Variants in UNC5B observed in about 807,000 individuals in gnomAD.
The protein encoded by UNC5B is netrin receptor UNC5B.
UNC5B carries 56 observed loss-of-function variants against 103.7 expected under a neutral mutation model. That is an observed-to-expected ratio of 0.54 (90% CI 0.44 to 0.67). The LOEUF is 0.67. Ranked by LOEUF, UNC5B falls within the 30% of genes least tolerant of loss-of-function variation. The probability of loss-of-function intolerance (pLI) is 0.00; values close to 1 mark genes in which losing one functional copy is unlikely to be tolerated. For synonymous variants in UNC5B, 577 were observed against 542.0 expected (o/e 1.06, Z -0.90); for missense variants, 1,194 against 1,284.5 (o/e 0.93, Z 1.08).
rs1845177673 is a variant in UNC5B, at chr10:71,289,091, G to A, written c.1099+101G>A. 14 of 1,523,280 alleles carry A rather than the reference G, an allele frequency of 9.2e-6. No individual in the cohort carries two copies. In the South Asian group the frequency reaches 1.6e-4, roughly 18 times the overall value. 94.4% of individuals were successfully genotyped at this position (1,523,280 alleles called of 1,614,324 possible). ...AGGGTGCAGGGCAGGGAGAGCTGAA[G>A]GTGCCTACCCACCCCCCACGGGATC... On this transcript the variant is annotated intron_variant, in intron 8 of 16. Transcript: ENST00000335350.
chr10:71,246,233 G>A (rs1191622010), intron 1 of UNC5B, among the ~76,000 whole-genome samples: 1 of 152,356 alleles, frequency 6.6e-6, no homozygotes, highest in East Asian at 1.9e-4. Flanking sequence ...CGTGGCTTGG[G>A]GGGCTGCATA....
At chr10:71,284,000 A>G (rs1409038875) in intron 2 of UNC5B, among the ~76,000 whole-genome samples, 3 of 152,204 alleles carry the variant, frequency 2.0e-5, no homozygotes, top group Non-Finnish European at 2.9e-5. Flanking sequence ...CTCCTGCAGG[A>G]GACAGACATT....
At chr10:71,283,694 C>G (rs1844989563) in intron 2 of UNC5B, among the ~76,000 whole-genome samples, 1 of 152,206 alleles carries the variant, frequency 6.6e-6, no homozygotes, top group East Asian at 1.9e-4. Context: ...CCTTTCCTGG[C>G]AGGTTCCCCC....
intron 15 of UNC5B, 59 bp from the exon 16 acceptor site, chr10:71,297,850 G>C: frequency 6.5e-7 from 1 of 1,535,400 alleles, no homozygotes; most frequent in Admixed American, 1.9e-5. Flanking sequence ...AGGGGAGGGA[G>C]GCTGGAGGGC....
chr10:71,246,978 C>T (rs373154189), intron 1 of UNC5B, among the ~76,000 whole-genome samples: 6 of 152,166 alleles, frequency 3.9e-5, no homozygotes, highest in South Asian at 2.1e-4. Context: ...ACCCTGAAGC[C>T]GTCCAGGACC....
intron 1 of UNC5B, among the ~76,000 whole-genome samples, chr10:71,266,146 G>T (rs1031252224): frequency 6.6e-6 from 1 of 152,050 alleles, no homozygotes; most frequent in Non-Finnish European, 1.5e-5. Flanking sequence ...GACAAACTTA[G>T]TGCCTGACAT....
At chr10:71,222,037 G>A (rs1262341685) in intron 1 of UNC5B, among the ~76,000 whole-genome samples, 1 of 152,168 alleles carries the variant, frequency 6.6e-6, no homozygotes, top group Non-Finnish European at 1.5e-5. Flanking sequence ...ACCATGTATT[G>A]CGTGGAACGA....
At chr10:71,256,285 C>T (rs1564719131) in intron 1 of UNC5B, among the ~76,000 whole-genome samples, 1 of 152,184 alleles carries the variant, frequency 6.6e-6, no homozygotes, top group Non-Finnish European at 1.5e-5. Context: ...CCAGCCCTGG[C>T]CCCAGCTCCT....
In UNC5B at chr10:71,226,849, A is replaced by G. The variant is rs78017260; in HGVS notation, c.79+13785A>G. On this transcript the variant is annotated intron_variant, in intron 1 of 16. Transcript: ENST00000335350. ...CAAAGCTTGGATAAAATACTACACTAAAAGAAATAGGAATTAAGGGATACT... is the reference window on the plus strand; with the variant it reads ...CAAAGCTTGGATAAAATACTACACTGAAAGAAATAGGAATTAAGGGATACT... 3.7e-3 allele frequency among the ~76,000 whole-genome samples: 561 copies of G among 152,362 alleles called. 3 individuals carry two copies. The highest frequency in any genetic ancestry group is 0.01 in the Middle Eastern group (3 of 294).
intron 1 of UNC5B, among the ~76,000 whole-genome samples, chr10:71,243,363 A>G (rs1843951634): frequency 6.6e-6 from 1 of 152,182 alleles, no homozygotes; most frequent in Non-Finnish European, 1.5e-5. Flanking sequence ...AGCACTGTGC[A>G]GTGAAACTTC....
Position 71,291,068 on chromosome 10 carries a change from CT to C in UNC5B, c.1254del (p.Gly419ValfsTer27). 1 of 1,614,158 alleles carries C rather than the reference CT, an allele frequency of 6.2e-7. No homozygotes were observed. The highest frequency in any genetic ancestry group is 1.1e-5 in the South Asian group (1 of 91,078). ...TDITDSSAAL[T>X]GGFHPVNFKT... ...ATCACTGACTCATCTGCTGCCCTGA[CT>C]GGTGGTTTCCACCCCGTCAACTTTA... On this transcript the variant is annotated frameshift_variant, in exon 9 of 17. Coordinates refer to ENST00000335350, the MANE Select transcript of UNC5B (RefSeq NM_170744.5). LOFTEE classifies it high-confidence loss of function.
chr10:71,286,061 T>C (rs1845070977), intron 4 of UNC5B, among the ~76,000 whole-genome samples: 1 of 152,178 alleles, frequency 6.6e-6, no homozygotes, highest in Non-Finnish European at 1.5e-5. Flanking sequence ...CGTAGTGGGC[T>C]CAGACAAATA....
chr10:71,268,103 T>C (rs1208152323), intron 1 of UNC5B, among the ~76,000 whole-genome samples: 1 of 152,244 alleles, frequency 6.6e-6, no homozygotes, highest in African/African-American at 2.4e-5. Flanking sequence ...CCCTGGGGAC[T>C]GAGCAGGAAT....
intron 1 of UNC5B, among the ~76,000 whole-genome samples, chr10:71,248,867 TCACACA>T (rs56852987): frequency 0.063 from 1,687 of 26,572 alleles, 9 homozygotes; most frequent in Non-Finnish European, 0.14. Flanking sequence ...TCTCTCTCTC[TCACACA>T]CACACACACA....
At chr10:71,247,092 C>A (rs1381197056) in intron 1 of UNC5B, among the ~76,000 whole-genome samples, 3 of 152,226 alleles carry the variant, frequency 2.0e-5, no homozygotes, top group African/African-American at 4.8e-5. Flanking sequence ...AAGTGCATGA[C>A]CCAGGTTGTT....
In UNC5B at chr10:71,222,856, C is replaced by T. The variant is rs111515112; in HGVS notation, c.79+9792C>T. Among the ~76,000 whole-genome samples, 627 of 152,332 alleles carry T rather than the reference C, an allele frequency of 4.1e-3. 5 individuals carry two copies. Among genetic ancestry groups the T allele is most frequent in the African/African-American group, 0.014 (595 of 41,570 alleles). On this transcript the variant is annotated intron_variant, in intron 1 of 16. Transcript: ENST00000335350. ...CCCAAAGGAAAGCAGCTCTGTAATG[C>T]GATCAGAGGCGTCCGCCTGCCTGGC...
intron 1 of UNC5B, among the ~76,000 whole-genome samples, chr10:71,256,602 G>C (rs987770068): frequency 6.6e-6 from 1 of 152,210 alleles, no homozygotes; most frequent in South Asian, 2.1e-4. Flanking sequence ...GTGGGGACTC[G>C]GGCGTGCAGA....
In UNC5B at chr10:71,284,778, T is replaced by C; in HGVS notation, c.363T>C (p.Phe121=). 6.2e-7 allele frequency: 1 copy of C among 1,613,922 alleles called. No individual in the cohort carries two copies. Among genetic ancestry groups the C allele is most frequent in the South Asian group, 1.1e-5 (1 of 91,070 alleles). Residue 121 remains phenylalanine, a synonymous_variant, in exon 3 of 17, where the codon TTT becomes TTC. Coordinates refer to ENST00000335350, the MANE Select transcript of UNC5B (RefSeq NM_170744.5). The part of the protein sequence containing the change: ...EVSRQQVEEL[F]GLEDYWCQCV... ...CGCGGCAGCAGGTGGAGGAGCTCTT[T>C]GGGCTGGAGGATTACTGGTGCCAGT...
At chr10:71,296,020 G>A (rs1269565713) in intron 14 of UNC5B, 60 bp downstream of exon 14, 1 of 1,606,692 alleles carries the variant, frequency 6.2e-7, no homozygotes. Flanking sequence ...GGGAAGCCCA[G>A]CTCCCTCCCG....
Sources: allele counts gnomAD v4.1 joint callset (sites outside exome capture counted in the v4.1 genomes callset), GRCh38; gene constraint gnomAD v4.1.1; transcripts MANE v1.5; gene names NCBI Gene and HGNC (gene_info 2026-07-23, HGNC 2026-07-21).